Variants in CCDC192 observed in about 807,000 individuals in gnomAD.
CCDC192 encodes the protein coiled-coil domain-containing protein 192.
intron 6 of CCDC192, among the ~76,000 whole-genome samples, chr5:127,925,386 A>G (rs1187299479): frequency 6.6e-6 from 1 of 152,210 alleles, no homozygotes; most frequent in Non-Finnish European, 1.5e-5. Context: ...AATCAAGCTG[A>G]TAAAATTGGA....
intron 6 of CCDC192, among the ~76,000 whole-genome samples, chr5:127,896,329 A>G (rs1276466620): frequency 1.3e-5 from 2 of 152,084 alleles, no homozygotes; most frequent in Admixed American, 6.6e-5. Flanking sequence ...CACATTTTCA[A>G]TTCTCATCTT....
At chr5:127,755,885 C>T (rs1446923640) in intron 3 of CCDC192, among the ~76,000 whole-genome samples, 1 of 151,822 alleles carries the variant, frequency 6.6e-6, no homozygotes, top group Non-Finnish European at 1.5e-5. Flanking sequence ...CCCATTCCTG[C>T]ACTTTGGGAG....
chr5:127,908,921 G>A (rs1013605034), intron 6 of CCDC192, among the ~76,000 whole-genome samples: 2 of 152,166 alleles, frequency 1.3e-5, no homozygotes, highest in African/African-American at 4.8e-5. Context: ...TTCATAGGTT[G>A]AGTTGCACAA....
At chr5:127,928,553 T>C (rs1305409069) in intron 6 of CCDC192, among the ~76,000 whole-genome samples, 1 of 152,206 alleles carries the variant, frequency 6.6e-6, no homozygotes, top group Admixed American at 6.5e-5. Flanking sequence ...GCAAAGTCTC[T>C]TCAGTCATAT....
At chr5:127,868,455 CA>C (rs1417837172) in intron 5 of CCDC192, among the ~76,000 whole-genome samples, 2 of 152,174 alleles carry the variant, frequency 1.3e-5, no homozygotes, top group African/African-American at 4.8e-5. Context: ...AGAGGGCATC[CA>C]ATTCTGTGTC....
intron 6 of CCDC192, among the ~76,000 whole-genome samples, chr5:127,916,002 A>G (rs1032973534): frequency 1.1e-4 from 16 of 152,340 alleles, no homozygotes; most frequent in African/African-American, 3.6e-4. Context: ...GCTGTTTGGT[A>G]GCATTTTACT....
intron 6 of CCDC192, among the ~76,000 whole-genome samples, chr5:127,921,197 GAGAA>G (rs1224418357): frequency 2.0e-5 from 3 of 148,858 alleles, no homozygotes; most frequent in South Asian, 2.2e-4. Flanking sequence ...GAAAGAGAGA[GAGAA>G]AGAAAGAGAG....
chr5:127,920,440 GCT>G (rs1753679368), intron 6 of CCDC192, among the ~76,000 whole-genome samples: 1 of 96,068 alleles, frequency 1.0e-5, no homozygotes, highest in Admixed American at 1.4e-4. Flanking sequence ...TGGAGTTTTT[GCT>G]CTGTTGCCCA....
chr5:127,840,972 AG>A (rs1457020139), intron 5 of CCDC192, among the ~76,000 whole-genome samples: 3 of 152,258 alleles, frequency 2.0e-5, no homozygotes, highest in African/African-American at 7.2e-5. Flanking sequence ...TGGCAAAACA[AG>A]TCAACCAGAA....
At chr5:127,798,055 A>T (rs1757277417) in intron 4 of CCDC192, 51 bp from the exon 5 acceptor site, 1 of 397,384 alleles carries the variant, frequency 2.5e-6, no homozygotes, top group African/African-American at 2.1e-5. Flanking sequence ...TACGTTGAGT[A>T]TGTAAAAGAA....
intron 5 of CCDC192, among the ~76,000 whole-genome samples, chr5:127,825,988 T>A (rs1749511714): frequency 6.6e-6 from 1 of 152,240 alleles, no homozygotes; most frequent in Non-Finnish European, 1.5e-5. Flanking sequence ...TGATTTAATT[T>A]GTTGAGATTT....
At chr5:127,740,835 C>T (rs1017017117) in intron 2 of CCDC192, among the ~76,000 whole-genome samples, 12 of 152,200 alleles carry the variant, frequency 7.9e-5, no homozygotes, top group African/African-American at 2.6e-4. Context: ...CAGGCATGTG[C>T]GTTTCCTAAA....
intron 5 of CCDC192, among the ~76,000 whole-genome samples, chr5:127,832,168 T>G (rs1313669844): frequency 6.6e-6 from 1 of 152,214 alleles, no homozygotes; most frequent in Non-Finnish European, 1.5e-5. Context: ...CTCACCAGTA[T>G]TCAGGAAAGC....
At chr5:127,939,214 T>C (rs904162157) in intron 6 of CCDC192, among the ~76,000 whole-genome samples, 1 of 141,378 alleles carries the variant, frequency 7.1e-6, no homozygotes. Context: ...AACTCCCAGG[T>C]TGAAGTGATT....
chr5:127,706,852 A>G lies in CCDC192; in HGVS notation c.63-857A>G, dbSNP rs79742729. Among the ~76,000 whole-genome samples, 974 of 152,306 alleles carry G rather than the reference A, an allele frequency of 6.4e-3. 14 individuals are homozygous for G. The highest frequency in any genetic ancestry group is 0.022 in the African/African-American group (920 of 41,564). On this transcript the variant is annotated intron_variant, in intron 1 of 6. Coordinates refer to ENST00000514853, the MANE Select transcript of CCDC192 (RefSeq NM_001317938.2). ...AGGGGTTAAATTTTAAATGAGATAC[A>G]TATGGTAGGTCCCACTGAGGTGGTG...
intron 1 of CCDC192, among the ~76,000 whole-genome samples, chr5:127,705,691 A>C (rs576997653): frequency 6.6e-6 from 1 of 152,222 alleles, no homozygotes; most frequent in Admixed American, 6.5e-5. Context: ...TATGGTGTGA[A>C]GAAATGTAAG....
At chr5:127,864,088 C>A (rs927866388) in intron 5 of CCDC192, among the ~76,000 whole-genome samples, 2 of 152,128 alleles carry the variant, frequency 1.3e-5, no homozygotes, top group African/African-American at 4.8e-5. Flanking sequence ...TGTTTCAGGT[C>A]ATTGTCGCTC....
chr5:127,925,639 T>C (rs1270845051), intron 6 of CCDC192, among the ~76,000 whole-genome samples: 1 of 152,252 alleles, frequency 6.6e-6, no homozygotes, highest in African/African-American at 2.4e-5. Context: ...TGATTGTTCA[T>C]CTTGGAGAAG....
intron 2 of CCDC192, among the ~76,000 whole-genome samples, chr5:127,746,039 A>T (rs545760047): frequency 1.3e-3 from 196 of 152,278 alleles, no homozygotes; most frequent in Non-Finnish European, 2.1e-3. Context: ...TTTTCTGTTA[A>T]TGGGGTTACC....
Sources: allele counts gnomAD v4.1 joint callset (sites outside exome capture counted in the v4.1 genomes callset), GRCh38; gene constraint gnomAD v4.1.1; transcripts MANE v1.5; gene names NCBI Gene and HGNC (gene_info 2026-07-23, HGNC 2026-07-21).